The following PPP3CA variants were observed in gnomAD, a reference collection of about 807,000 sequenced individuals.
The protein encoded by PPP3CA is protein phosphatase 3 catalytic subunit alpha, also known as CAM-PRP catalytic subunit.
Under a neutral mutation model 66.5 loss-of-function variants are expected in PPP3CA, and 14 were observed. The ratio of observed to expected loss-of-function variants is 0.21; its 90% CI spans 0.14 to 0.33. PPP3CA has a LOEUF of 0.33. Ranked by LOEUF, PPP3CA falls within the 10% of genes least tolerant of loss-of-function variation. The probability of loss-of-function intolerance (pLI) is 1.00; values close to 1 mark genes in which losing one functional copy is unlikely to be tolerated. For synonymous variants in PPP3CA, 232 were observed against 226.2 expected (o/e 1.03, Z -0.23); for missense variants, 317 against 639.5 (o/e 0.50, Z 5.44).
intron 1 of PPP3CA, among the ~76,000 whole-genome samples, chr4:101,293,775 C>A (rs1211601795): frequency 6.6e-6 from 1 of 152,228 alleles, no homozygotes; most frequent in Admixed American, 6.5e-5. Flanking sequence ...CTCAGCTGAA[C>A]CATGTGATTG....
At chr4:101,040,913 G>C (rs895757682) in intron 10 of PPP3CA, among the ~76,000 whole-genome samples, 2 of 152,068 alleles carry the variant, frequency 1.3e-5, no homozygotes, top group Non-Finnish European at 2.9e-5. Flanking sequence ...CAGAGACCAC[G>C]CATTGGGAGG....
intron 1 of PPP3CA, among the ~76,000 whole-genome samples, chr4:101,260,175 A>G (rs1726967714): frequency 6.6e-6 from 1 of 152,176 alleles, no homozygotes; most frequent in East Asian, 1.9e-4. Flanking sequence ...GCAAACTGCT[A>G]TTCTAATAAA....
intron 2 of PPP3CA, among the ~76,000 whole-genome samples, chr4:101,156,681 G>T (rs1167368343): frequency 9.7e-6 from 1 of 103,270 alleles, no homozygotes; most frequent in Non-Finnish European, 1.8e-5. Context: ...AAAAAAAAAA[G>T]AAAGAAAGAA....
chr4:101,309,710 T>C (rs752751419), intron 1 of PPP3CA, among the ~76,000 whole-genome samples: 4 of 152,214 alleles, frequency 2.6e-5, no homozygotes, highest in African/African-American at 9.6e-5. Flanking sequence ...CCACATGTTG[T>C]GTTGGTTGAT....
chr4:101,203,376 T>C (rs2110197853), intron 1 of PPP3CA, among the ~76,000 whole-genome samples: 1 of 152,134 alleles, frequency 6.6e-6, no homozygotes, highest in African/African-American at 2.4e-5. Context: ...ATGCCTGCAG[T>C]CCCAGCTACT....
intron 10 of PPP3CA, among the ~76,000 whole-genome samples, chr4:101,059,019 T>G (rs868260054): frequency 3.9e-5 from 6 of 152,132 alleles, no homozygotes; most frequent in Admixed American, 3.9e-4. Flanking sequence ...GGGATTATTA[T>G]TGTATTAATG....
chr4:101,073,792 C>T (rs1173552551), intron 8 of PPP3CA, among the ~76,000 whole-genome samples: 1 of 152,036 alleles, frequency 6.6e-6, no homozygotes, highest in Admixed American at 6.6e-5. Flanking sequence ...GGGGGGATGT[C>T]TTATTGTTTT....
At chr4:101,056,188 TA>T (rs150233705) in intron 10 of PPP3CA, among the ~76,000 whole-genome samples, 9,669 of 152,154 alleles carry the variant, frequency 0.064, 354 homozygotes, top group African/African-American at 0.093. Context: ...ACTTTATATG[TA>T]AAATAAGGAT....
At chr4:101,050,863 G>A (rs1727978769) in intron 10 of PPP3CA, among the ~76,000 whole-genome samples, 1 of 152,162 alleles carries the variant, frequency 6.6e-6, no homozygotes, top group African/African-American at 2.4e-5. Context: ...CCCTTGTGCA[G>A]ATATGAACAT....
chr4:101,334,432 C>G (rs758178007), intron 1 of PPP3CA, among the ~76,000 whole-genome samples: 1 of 152,106 alleles, frequency 6.6e-6, no homozygotes, highest in Non-Finnish European at 1.5e-5. Context: ...CCGCGCCCAA[C>G]CCCCGAGTGA....
At chr4:101,156,021 G>A (rs1419030519) in intron 2 of PPP3CA, among the ~76,000 whole-genome samples, 2 of 152,162 alleles carry the variant, frequency 1.3e-5, no homozygotes, top group African/African-American at 4.8e-5. Flanking sequence ...CGGAAACTAT[G>A]CCTATGGTCA....
intron 1 of PPP3CA, among the ~76,000 whole-genome samples, chr4:101,215,916 T>C (rs866003950): frequency 3.9e-5 from 6 of 152,090 alleles, no homozygotes; most frequent in Non-Finnish European, 7.4e-5. Flanking sequence ...TAAAGTTGTA[T>C]CACCAAAGCT....
At chr4:101,048,165 G>A (rs1727850288) in intron 10 of PPP3CA, among the ~76,000 whole-genome samples, 1 of 152,092 alleles carries the variant, frequency 6.6e-6, no homozygotes, top group Non-Finnish European at 1.5e-5. Flanking sequence ...TGGAAAAAGG[G>A]CATTTGAGAA....
intron 1 of PPP3CA, among the ~76,000 whole-genome samples, chr4:101,257,331 T>A (rs1225889458): frequency 1.1e-4 from 7 of 61,042 alleles, no homozygotes; most frequent in Non-Finnish European, 5.6e-5. Flanking sequence ...TGTATGAGAC[T>A]TTTTTTTTTT....
intron 8 of PPP3CA, among the ~76,000 whole-genome samples, chr4:101,065,533 T>C (rs1410848793): frequency 2.0e-5 from 3 of 152,114 alleles, no homozygotes. Flanking sequence ...GAAGCAGGTG[T>C]GACTGCCCTT....
rs138666475 is a variant in PPP3CA at position 101,164,326 on chromosome 4, T to G, written c.259+31590A>C. ...CTTATTTATACTTTATTGGATTTAT[T>G]ATGTTTTGTCTTCTACTGTTAAGAC... is the stretch of plus-strand genomic sequence containing the variant. On this transcript the variant is annotated intron_variant, in intron 2 of 13. Transcript: ENST00000394854. Among the ~76,000 whole-genome samples the G allele has an allele frequency of 1.8e-4, 27 of 152,312 alleles. No homozygotes were observed. In the East Asian group the frequency reaches 5.0e-3, roughly 28 times the overall value.
At chr4:101,064,236 T>C (rs1008490677) in intron 8 of PPP3CA, among the ~76,000 whole-genome samples, 2 of 151,962 alleles carry the variant, frequency 1.3e-5, no homozygotes, top group Non-Finnish European at 2.9e-5. Context: ...TTTAATGAGG[T>C]CACCTATTCT....
chr4:101,287,553 G>A (rs1208240427), intron 1 of PPP3CA, among the ~76,000 whole-genome samples: 1 of 152,132 alleles, frequency 6.6e-6, no homozygotes, highest in African/African-American at 2.4e-5. Flanking sequence ...ATGTGAGTGT[G>A]AAGTTCAGAC....
chr4:101,094,957 G>A (rs971006002), intron 5 of PPP3CA, among the ~76,000 whole-genome samples: 2 of 151,586 alleles, frequency 1.3e-5, no homozygotes, highest in Admixed American at 6.6e-5. Context: ...AACATATTTT[G>A]CTTACAACTA....
Sources: allele counts gnomAD v4.1 joint callset (sites outside exome capture counted in the v4.1 genomes callset), GRCh38; gene constraint gnomAD v4.1.1; transcripts MANE v1.5; gene names NCBI Gene and HGNC (gene_info 2026-07-23, HGNC 2026-07-21).